Variants in EVI5 observed in about 807,000 individuals in gnomAD.
The protein encoded by EVI5 is ecotropic viral integration site 5, also known as ecotropic viral integration site 5 protein homolog.
In EVI5, 73 loss-of-function variants were observed where a neutral mutation model predicts 112.0. That is an observed-to-expected ratio of 0.65 (90% confidence interval 0.54 to 0.79). EVI5 has a LOEUF of 0.79. Ranked by LOEUF, EVI5 falls within the 30% of genes least tolerant of loss-of-function variation. EVI5 has a pLI of 0.00. For synonymous variants in EVI5, 305 were observed against 319.9 expected (o/e 0.95, Z 0.50); for missense variants, 900 against 968.8 (o/e 0.93, Z 0.94).
intron 9 of EVI5, among the ~76,000 whole-genome samples, chr1:92,680,399 T>C (rs539130443): frequency 7.2e-5 from 11 of 152,196 alleles, no homozygotes; most frequent in Non-Finnish European, 1.5e-4. Flanking sequence ...GATAATTTAA[T>C]AGTAATGGAT....
At chr1:92,642,978 A>G (rs968435659) in intron 13 of EVI5, among the ~76,000 whole-genome samples, 5 of 152,254 alleles carry the variant, frequency 3.3e-5, no homozygotes, top group South Asian at 2.1e-4. Context: ...AAAACACCTG[A>G]ATGATAAGTA....
At chr1:92,758,760 T>G (rs909256750) in intron 1 of EVI5, among the ~76,000 whole-genome samples, 2 of 151,650 alleles carry the variant, frequency 1.3e-5, no homozygotes, top group Admixed American at 6.6e-5. Context: ...AAATTTGGGG[T>G]CAGAGAGAGT....
At chr1:92,528,958 A>G (rs1427950173) in intron 19 of EVI5, among the ~76,000 whole-genome samples, 1 of 152,186 alleles carries the variant, frequency 6.6e-6, no homozygotes, top group East Asian at 1.9e-4. Flanking sequence ...AATGTATCCT[A>G]AATAAAAGTC....
intron 18 of EVI5, among the ~76,000 whole-genome samples, chr1:92,604,945 T>G (rs1423418422): frequency 1.3e-5 from 2 of 151,984 alleles, no homozygotes; most frequent in Non-Finnish European, 2.9e-5. Context: ...GTAACCAGAG[T>G]GGTCAAACTC....
At chr1:92,686,308 C>G (rs1668525319) in intron 9 of EVI5, among the ~76,000 whole-genome samples, 1 of 152,182 alleles carries the variant, frequency 6.6e-6, no homozygotes, top group Admixed American at 6.5e-5. Flanking sequence ...ACATGATTAT[C>G]TCAATAGATG....
rs1258781888 is a variant in EVI5, at chr1:92,512,290, A to G, written c.*1366T>C. On this transcript the variant is annotated 3_prime_UTR_variant, in exon 20 of 20. Coordinates refer to ENST00000684568, the MANE Select transcript of EVI5 (RefSeq NM_001350197.2). ...TGCTATGTTTCTTGGACCTTAGCCCATTGCTTAAATTATATTCAGTAGAAT... is the reference window on the plus strand; with the variant it reads ...TGCTATGTTTCTTGGACCTTAGCCCGTTGCTTAAATTATATTCAGTAGAAT... 4 of 152,672 alleles carry G rather than the reference A, an allele frequency of 2.6e-5. No homozygotes were observed. Among genetic ancestry groups the G allele is most frequent in the Non-Finnish European group, 4.4e-5 (3 of 68,040 alleles). 9.5% of individuals were successfully genotyped at this position (152,672 alleles called of 1,614,324 possible).
intron 1 of EVI5, among the ~76,000 whole-genome samples, chr1:92,775,614 G>A (rs1355888283): frequency 1.3e-5 from 2 of 152,128 alleles, no homozygotes; most frequent in Non-Finnish European, 2.9e-5. Context: ...TGTATAGTAG[G>A]CTCTATTATC....
rs1178732545 is a variant in EVI5, at chr1:92,632,383, T to C, written c.1527+3819A>G. ...AGCCTGTTATTGGTCTATTCAGAGA[T>C]TCAACTTCTTCCTGGTTTAGTCTTG... On this transcript the variant is annotated intron_variant, in intron 14 of 19. Transcript: ENST00000684568. 4.6e-5 allele frequency among the ~76,000 whole-genome samples: 7 copies of C among 152,358 alleles called. No individual in the cohort carries two copies. In the East Asian group the frequency reaches 1.3e-3, roughly 29 times the overall value.
intron 2 of EVI5, among the ~76,000 whole-genome samples, chr1:92,720,996 A>G (rs1052999135): frequency 2.0e-4 from 31 of 152,246 alleles, no homozygotes; most frequent in African/African-American, 7.2e-4. Context: ...CAAGCCAGTT[A>G]GAATGGCAAT....
At position 92,656,957 on chromosome 1, in the gene EVI5, C is replaced by T. The variant is rs1405624096; in HGVS notation, c.1392+5762G>A. 2.0e-5 allele frequency among the ~76,000 whole-genome samples: 3 copies of T among 152,096 alleles called. No individual in the cohort carries two copies. In the East Asian group the frequency reaches 5.8e-4, roughly 29 times the overall value. On this transcript the variant is annotated intron_variant, in intron 13 of 19. Transcript: ENST00000684568. ...TCACAGCCAAATTCTACCATACATA[C>T]AATGAAGAACTAGTACCAATTCTCC...
intron 2 of EVI5, among the ~76,000 whole-genome samples, chr1:92,707,338 T>C (rs1205720843): frequency 2.0e-5 from 3 of 151,138 alleles, no homozygotes; most frequent in Non-Finnish European, 2.9e-5. Context: ...CCTCAAAAGA[T>C]ACTATTTTAA....
At chr1:92,761,838 G>A (rs1371616296) in intron 1 of EVI5, among the ~76,000 whole-genome samples, 1 of 152,184 alleles carries the variant, frequency 6.6e-6, no homozygotes, top group Non-Finnish European at 1.5e-5. Flanking sequence ...TAGTACAAAT[G>A]TAATACCTAT....
At chr1:92,550,258 A>G (rs926317825) in intron 19 of EVI5, among the ~76,000 whole-genome samples, 1 of 149,774 alleles carries the variant, frequency 6.7e-6, no homozygotes, top group Non-Finnish European at 1.5e-5. Context: ...CAAAAAGCCA[A>G]ACACCGTATG....
chr1:92,733,952 T>C (rs1358767696), intron 2 of EVI5, among the ~76,000 whole-genome samples: 2 of 152,186 alleles, frequency 1.3e-5, no homozygotes, highest in Admixed American at 1.3e-4. Flanking sequence ...TGTCATTCTT[T>C]TGGCAGAGGA....
At chr1:92,541,639 C>T (rs1232638641) in intron 19 of EVI5, among the ~76,000 whole-genome samples, 4 of 151,980 alleles carry the variant, frequency 2.6e-5, no homozygotes, top group African/African-American at 9.7e-5. Flanking sequence ...TGAAAACATA[C>T]GTTTATATGG....
At chr1:92,668,124 T>C (rs1213396568) in intron 10 of EVI5, among the ~76,000 whole-genome samples, 7 of 152,224 alleles carry the variant, frequency 4.6e-5, no homozygotes, top group Admixed American at 3.9e-4. Context: ...AGAGACTCTA[T>C]GAATTACTGC....
rs1655498809 is a variant in EVI5 at position 92,625,603 on chromosome 1, A to G, written c.1668+191T>C. Reference sequence around the variant, plus strand: ...TGTCTACTGTATCTTTTATTTTATTATAAGAATTAAAGAGGGAGAAACAGC... The same window carrying G: ...TGTCTACTGTATCTTTTATTTTATTGTAAGAATTAAAGAGGGAGAAACAGC... On this transcript the variant is annotated intron_variant, in intron 15 of 19. Coordinates refer to ENST00000684568, the MANE Select transcript of EVI5 (RefSeq NM_001350197.2). The G allele has an allele frequency of 3.1e-5, 15 of 480,756 alleles. 1 individual carries two copies. The South Asian group carries it at 6.3e-4, about 20-fold the overall frequency. The allele number at this position is 480,756 out of a possible 1,614,324, so 29.8% of individuals were successfully genotyped here.
intron 1 of EVI5, among the ~76,000 whole-genome samples, chr1:92,748,632 A>T (rs1383164134): frequency 1.1e-4 from 17 of 152,256 alleles, no homozygotes; most frequent in Admixed American, 1.1e-3. Context: ...CAAGAAACTA[A>T]AAGTATAGAG....
chr1:92,524,502 A>G (rs547725770), intron 19 of EVI5, among the ~76,000 whole-genome samples: 2 of 152,328 alleles, frequency 1.3e-5, no homozygotes, highest in Admixed American at 6.5e-5. Flanking sequence ...TACCTTTAAG[A>G]TATGACCTAT....
Sources: allele counts gnomAD v4.1 joint callset (sites outside exome capture counted in the v4.1 genomes callset), GRCh38; gene constraint gnomAD v4.1.1; transcripts MANE v1.5; gene names NCBI Gene and HGNC (gene_info 2026-07-23, HGNC 2026-07-21).